Variants in FAM240A observed in about 807,000 individuals in gnomAD.
FAM240A encodes protein FAM240A.
Under a neutral mutation model 7.3 loss-of-function variants are expected in FAM240A, and 8 were observed. That is an observed-to-expected ratio of 1.09 (90% confidence interval 0.64 to 1.97). The LOEUF (loss-of-function observed/expected upper bound fraction) is 1.97. FAM240A is among the 30% of genes most tolerant of loss of function. The pLI, the probability that FAM240A is intolerant of heterozygous loss-of-function variation, is 0.00. For synonymous variants in FAM240A, 32 were observed against 35.9 expected (o/e 0.89, Z 0.38); for missense variants, 90 against 102.2 (o/e 0.88, Z 0.52).
chr3:46,625,774 T>A lies in FAM240A; in HGVS notation c.*556T>A, dbSNP rs1448341181. 6.6e-6 allele frequency: 1 copy of A among 152,252 alleles called. No individual in the cohort carries two copies. The highest frequency in any genetic ancestry group is 1.5e-5 in the Non-Finnish European group (1 of 68,048). The allele number at this position is 152,252 out of a possible 1,614,324, so 9.4% of individuals were successfully genotyped here. A position where few individuals can be genotyped will look rare whatever the true frequency, so the allele number is the denominator to read the frequency against. On this transcript the variant is annotated 3_prime_UTR_variant, in exon 3 of 3. Coordinates refer to ENST00000640551, the MANE Select transcript of FAM240A (RefSeq NM_001195442.2). ...CTTCATATAAATTTAATTAGCTTTT[T>A]CAAAAGTATGTTTACCAAGAATAAT...
At chr3:46,622,398 G>A (rs113776280) in intron 2 of FAM240A, among the ~76,000 whole-genome samples, 4,005 of 152,056 alleles carry the variant, frequency 0.026, 74 homozygotes, top group Non-Finnish European at 0.04. Flanking sequence ...GAGCCACCGC[G>A]CCCGGCTGAG....
At chr3:46,624,136 C>T (rs1213957250) in intron 2 of FAM240A, among the ~76,000 whole-genome samples, 4 of 151,990 alleles carry the variant, frequency 2.6e-5, no homozygotes, top group African/African-American at 9.7e-5. Flanking sequence ...AGCATAAGAA[C>T]CTTAAAATGG....
chr3:46,618,863 ATATG>A (rs3087146), intron 2 of FAM240A, among the ~76,000 whole-genome samples: 16 of 76,184 alleles, frequency 2.1e-4, no homozygotes, highest in Middle Eastern at 6.3e-3. Flanking sequence ...AGATATATAT[ATATG>A]TATATATATA....
intron 1 of FAM240A, among the ~76,000 whole-genome samples, chr3:46,613,315 G>A (rs541219223): frequency 1.3e-4 from 20 of 152,042 alleles, no homozygotes; most frequent in Admixed American, 2.6e-4. Context: ...CCAACATGGC[G>A]AAACCCTGTC....
rs1352026510 is a variant in FAM240A, at chr3:46,625,433, C to G, written c.*215C>G. The G allele has an allele frequency of 3.1e-6, 1 of 323,520 alleles. No individual in the cohort carries two copies. Among genetic ancestry groups the G allele is most frequent in the Non-Finnish European group, 5.7e-6 (1 of 176,646 alleles). The allele number at this position is 323,520 out of a possible 1,614,324, so 20.0% of individuals were successfully genotyped here. On this transcript the variant is annotated 3_prime_UTR_variant, in exon 3 of 3. Coordinates refer to ENST00000640551, the MANE Select transcript of FAM240A (RefSeq NM_001195442.2). ...TGTGCATGGGCGCCAGGTTATTATCCCAAATGTCTCTAAAGATAGCTTATT... is the reference window on the plus strand; with the variant it reads ...TGTGCATGGGCGCCAGGTTATTATCGCAAATGTCTCTAAAGATAGCTTATT...
chr3:46,625,588 T>C lies in FAM240A; in HGVS notation c.*370T>C, dbSNP rs3796368. The C allele has an allele frequency of 0.11, 17,228 of 153,734 alleles. 1,190 individuals carry two copies. Among genetic ancestry groups the C allele is most frequent in the East Asian group, 0.33 (1,731 of 5,276 alleles). The allele number at this position is 153,734 out of a possible 1,614,324, so 9.5% of individuals were successfully genotyped here. ...CTTCATGGTCAAACTTTAAACACTGTACAGTGGTATTGCCCCACCATTTCA... is the reference window on the plus strand; with the variant it reads ...CTTCATGGTCAAACTTTAAACACTGCACAGTGGTATTGCCCCACCATTTCA... On this transcript the variant is annotated 3_prime_UTR_variant, in exon 3 of 3. Transcript: ENST00000640551.
rs192067157 is a variant in FAM240A, at chr3:46,616,208, C to G, written c.16-975C>G. Among the ~76,000 whole-genome samples, 190 of 152,364 alleles carry G rather than the reference C, an allele frequency of 1.2e-3. 1 individual carries two copies. Among genetic ancestry groups the G allele is most frequent in the Admixed American group, 3.6e-3 (55 of 15,304 alleles). ...CCTGACAACCAGCCAGCAGCAAGCA[C>G]TGAGGCCACCATTGTCCTCCCACTT... On this transcript the variant is annotated intron_variant, in intron 1 of 2. Transcript: ENST00000640551.
chr3:46,623,008 A>G (rs1697714413), intron 2 of FAM240A, among the ~76,000 whole-genome samples: 1 of 152,226 alleles, frequency 6.6e-6, no homozygotes, highest in Admixed American at 6.5e-5. Flanking sequence ...CACAATATAT[A>G]CGTCCCTTTA....
Position 46,625,255 on chromosome 3 carries a change from C to A in FAM240A, c.*37C>A. 7.0e-7 allele frequency: 1 copy of A among 1,433,228 alleles called. No homozygotes were observed. The highest frequency in any genetic ancestry group is 9.4e-7 in the Non-Finnish European group (1 of 1,059,048). 88.8% of individuals were successfully genotyped at this position (1,433,228 alleles called of 1,614,324 possible). ...TTCATTGACACAAGAAGATGCAAAA[C>A]ACTGAGGTCACTTTGCTAGAAGTCA... On this transcript the variant is annotated 3_prime_UTR_variant, in exon 3 of 3. Transcript: ENST00000640551.
At chr3:46,624,062 A>G (rs1368869116) in intron 2 of FAM240A, among the ~76,000 whole-genome samples, 1 of 152,066 alleles carries the variant, frequency 6.6e-6, no homozygotes, top group East Asian at 1.9e-4. Context: ...GCTTTAGGAT[A>G]TATAATACAC....
intron 1 of FAM240A, among the ~76,000 whole-genome samples, chr3:46,616,712 C>G (rs571564752): frequency 4.7e-4 from 72 of 151,868 alleles, no homozygotes; most frequent in Non-Finnish European, 8.7e-4. Context: ...CACACACACA[C>G]ACACACACAC....
At chr3:46,617,355 A>G in intron 2 of FAM240A, 27 bp downstream of exon 2, 3 of 1,489,456 alleles carry the variant, frequency 2.0e-6, no homozygotes, top group Non-Finnish European at 2.7e-6. Flanking sequence ...TCTACTTTTT[A>G]GAATTAATTA....
rs1376257500 is a variant in FAM240A at position 46,625,759 on chromosome 3, A to T, written c.*541A>T. 1.3e-5 allele frequency: 2 copies of T among 152,234 alleles called. No individual in the cohort carries two copies. The highest frequency in any genetic ancestry group is 1.3e-4 in the Admixed American group (2 of 15,286). 9.4% of individuals were successfully genotyped at this position (152,234 alleles called of 1,614,324 possible). ...CTAATATTCTTTTTTCTTCATATAA[A>T]TTTAATTAGCTTTTTCAAAAGTATG... On this transcript the variant is annotated 3_prime_UTR_variant, in exon 3 of 3. Coordinates refer to ENST00000640551, the MANE Select transcript of FAM240A (RefSeq NM_001195442.2).
At chr3:46,613,727 TC>T (rs1697595519) in intron 1 of FAM240A, among the ~76,000 whole-genome samples, 1 of 151,786 alleles carries the variant, frequency 6.6e-6, no homozygotes, top group South Asian at 2.1e-4. Flanking sequence ...TGCAAGTCCC[TC>T]CCCCTAGAAG....
At chr3:46,617,778 TGCCC>T (rs1697647481) in intron 2 of FAM240A, among the ~76,000 whole-genome samples, 1 of 152,132 alleles carries the variant, frequency 6.6e-6, no homozygotes, top group South Asian at 2.1e-4. Flanking sequence ...AAGGAAGCAG[TGCCC>T]AGTTCTCAGC....
At chr3:46,615,275 G>A (rs1697615126) in intron 1 of FAM240A, among the ~76,000 whole-genome samples, 1 of 151,942 alleles carries the variant, frequency 6.6e-6, no homozygotes, top group Non-Finnish European at 1.5e-5. Flanking sequence ...CTGGGGGTCG[G>A]CACCCAGAAA....
At chr3:46,622,341 C>T (rs1353469723) in intron 2 of FAM240A, among the ~76,000 whole-genome samples, 1 of 151,842 alleles carries the variant, frequency 6.6e-6, no homozygotes, top group Non-Finnish European at 1.5e-5. Flanking sequence ...CTTCTGACCT[C>T]GTGATCTGCC....
At chr3:46,613,001 G>A (rs2107137179) in intron 1 of FAM240A, among the ~76,000 whole-genome samples, 1 of 152,322 alleles carries the variant, frequency 6.6e-6, no homozygotes, top group South Asian at 2.1e-4. Flanking sequence ...GTGAAGGAAT[G>A]GGCTAAACCC....
chr3:46,616,122 A>G (rs528850547), intron 1 of FAM240A, among the ~76,000 whole-genome samples: 1 of 152,348 alleles, frequency 6.6e-6, no homozygotes, highest in African/African-American at 2.4e-5. Context: ...GGAGGAAGGA[A>G]GGGCAGAGGC....
Sources: allele counts gnomAD v4.1 joint callset (sites outside exome capture counted in the v4.1 genomes callset), GRCh38; gene constraint gnomAD v4.1.1; transcripts MANE v1.5; gene names NCBI Gene and HGNC (gene_info 2026-07-23, HGNC 2026-07-21).